The following XYLT1 variants were observed in gnomAD, a reference collection of about 807,000 sequenced individuals.
XYLT1 encodes beta-D-xylosyltransferase 1.
Under a neutral mutation model 91.3 loss-of-function variants are expected in XYLT1, and 36 were observed. The ratio of observed to expected loss-of-function variants is 0.39; its 90% CI spans 0.30 to 0.52. The LOEUF is 0.52. Among genes scored for constraint, XYLT1 ranks in the 20% least tolerant of loss-of-function variants. The probability of loss-of-function intolerance (pLI) is 0.68; values close to 1 mark genes in which losing one functional copy is unlikely to be tolerated. For synonymous variants in XYLT1, 588 were observed against 532.0 expected (o/e 1.11, Z -1.45); for missense variants, 1,242 against 1,284.5 (o/e 0.97, Z 0.51).
At chr16:17,382,852 T>C (rs953889416) in intron 1 of XYLT1, among the ~76,000 whole-genome samples, 6 of 151,834 alleles carry the variant, frequency 4.0e-5, no homozygotes, top group South Asian at 2.1e-4. Context: ...AAGGAGTAAC[T>C]CCCATCCCCA....
chr16:17,173,234 T>A (rs1032205958), intron 5 of XYLT1, among the ~76,000 whole-genome samples: 2 of 152,186 alleles, frequency 1.3e-5, no homozygotes, highest in African/African-American at 2.4e-5. Context: ...ACAGGACGTG[T>A]AGTAGATGAA....
At chr16:17,316,208 A>C (rs895944230) in intron 2 of XYLT1, among the ~76,000 whole-genome samples, 1 of 152,148 alleles carries the variant, frequency 6.6e-6, no homozygotes, top group Non-Finnish European at 1.5e-5. Context: ...CAGTCTTTGA[A>C]CACCACATGG....
intron 2 of XYLT1, chr16:17,338,398 C>T: frequency 2.2e-6 from 1 of 456,560 alleles, no homozygotes; most frequent in South Asian, 1.5e-5. Flanking sequence ...GCCTGCTCCT[C>T]TCTTTTACAT....
At position 17,180,484 on chromosome 16, in the gene XYLT1, G is replaced by A. The variant is rs368852384; in HGVS notation, c.1289+17728C>T. ...GTGGCAATGTTTGTGCCCCTGGCTC[G>A]GTTTGCCAAGTAATGTTGACTGATG... On this transcript the variant is annotated intron_variant, in intron 5 of 11. Coordinates refer to ENST00000261381, the MANE Select transcript of XYLT1 (RefSeq NM_022166.4). 6.6e-4 allele frequency among the ~76,000 whole-genome samples: 100 copies of A among 152,234 alleles called. 2 individuals are homozygous for A. The South Asian group carries it at 0.019, about 29-fold the overall frequency.
intron 3 of XYLT1, among the ~76,000 whole-genome samples, chr16:17,255,901 G>A (rs7205725): frequency 0.18 from 27,389 of 152,004 alleles, 3,175 homozygotes; most frequent in African/African-American, 0.32. Context: ...TCAGCTACTC[G>A]GGAGGCTAAG....
rs1376742293 is a variant in XYLT1, at chr16:17,312,328, C to T, written c.402+45684G>A. Among the ~76,000 whole-genome samples the T allele has an allele frequency of 1.3e-5, 2 of 152,136 alleles. No individual in the cohort carries two copies. The highest frequency in any genetic ancestry group is 2.9e-5 in the Non-Finnish European group (2 of 68,018). Reference sequence around the variant, plus strand: ...CCTCCTGTTACCTGTAAGATCCCTGCTGGCATAGTACTGTGAAGGACTCAA... The same window carrying T: ...CCTCCTGTTACCTGTAAGATCCCTGTTGGCATAGTACTGTGAAGGACTCAA... On this transcript the variant is annotated intron_variant, in intron 2 of 11. Transcript: ENST00000261381. The surrounding 1 kb of genome is among the most constrained non-coding windows in gnomAD (Gnocchi z 4.4).
chr16:17,267,783 T>A (rs1204270773), intron 2 of XYLT1, among the ~76,000 whole-genome samples: 1 of 152,178 alleles, frequency 6.6e-6, no homozygotes, highest in Non-Finnish European at 1.5e-5. Context: ...CTTTGCTCAC[T>A]GTGTGGCCCA....
intron 5 of XYLT1, among the ~76,000 whole-genome samples, chr16:17,186,263 C>T (rs1046194312): frequency 6.6e-6 from 1 of 151,952 alleles, no homozygotes; most frequent in Non-Finnish European, 1.5e-5. Flanking sequence ...GCCACCATAC[C>T]CAGCTAATTT....
intron 1 of XYLT1, among the ~76,000 whole-genome samples, chr16:17,375,763 G>C (rs965705311): frequency 1.3e-5 from 2 of 152,224 alleles, no homozygotes; most frequent in African/African-American, 4.8e-5. Context: ...TCTGCTGTTG[G>C]GACAGGCAGC....
intron 2 of XYLT1, chr16:17,338,174 C>A (rs2035014188): frequency 2.2e-6 from 1 of 456,502 alleles, no homozygotes; most frequent in Non-Finnish European, 4.4e-6. Context: ...TGAATGTCCC[C>A]TTTTCTGATT....
At chr16:17,464,472 A>G (rs1282909636) in intron 1 of XYLT1, among the ~76,000 whole-genome samples, 2 of 137,916 alleles carry the variant, frequency 1.5e-5, no homozygotes, top group East Asian at 4.5e-4. Context: ...AGGCCGGGCA[A>G]CAGAGCAAAA....
At chr16:17,277,083 T>C (rs2033988518) in intron 2 of XYLT1, among the ~76,000 whole-genome samples, 1 of 152,216 alleles carries the variant, frequency 6.6e-6, no homozygotes, top group South Asian at 2.1e-4. Flanking sequence ...GACAGACAGA[T>C]GCCTGCTCCT....
At chr16:17,352,417 C>T (rs2035234676) in intron 2 of XYLT1, among the ~76,000 whole-genome samples, 2 of 152,164 alleles carry the variant, frequency 1.3e-5, no homozygotes, top group African/African-American at 2.4e-5. Flanking sequence ...TTTCTTTCTC[C>T]CCTGCCTGAT....
Position 17,136,701 on chromosome 16 carries a change from A to ATTCT in XYLT1, c.1764+1650_1764+1653dup, listed in dbSNP as rs200887163. The stretch of plus-strand genomic sequence containing the variant: ...AACAAACAGGGCACGTTACCATATT[A>ATTCT]TTCTTTCTCTCCAAGTTCTTCGCGC... On this transcript the variant is annotated intron_variant, in intron 8 of 11. Transcript: ENST00000261381. Among the ~76,000 whole-genome samples, 1,288 of 152,160 alleles carry ATTCT rather than the reference A, an allele frequency of 8.5e-3. 22 individuals are homozygous for ATTCT. The highest frequency in any genetic ancestry group is 0.029 in the African/African-American group (1,211 of 41,514).
chr16:17,294,423 CT>C (rs2034281104), intron 2 of XYLT1, among the ~76,000 whole-genome samples: 1 of 152,158 alleles, frequency 6.6e-6, no homozygotes, highest in African/African-American at 2.4e-5. Context: ...GTGCGCATAA[CT>C]AAACACTATT....
chr16:17,182,683 C>T (rs188712911), intron 5 of XYLT1, among the ~76,000 whole-genome samples: 211 of 117,682 alleles, frequency 1.8e-3, no homozygotes, highest in African/African-American at 6.9e-3. Context: ...AACAATTAGG[C>T]ATATGTGGGG....
chr16:17,257,625 C>T (rs1219772525), intron 3 of XYLT1, among the ~76,000 whole-genome samples: 1 of 152,074 alleles, frequency 6.6e-6, no homozygotes, highest in East Asian at 1.9e-4. Context: ...CAATAAACAG[C>T]GACCACGTGG....
At chr16:17,225,152 TACACAC>T (rs751269290) in intron 3 of XYLT1, among the ~76,000 whole-genome samples, 19 of 147,496 alleles carry the variant, frequency 1.3e-4, no homozygotes, top group African/African-American at 4.6e-4. Flanking sequence ...ATTCTTATTT[TACACAC>T]ACACACACAC....
At chr16:17,428,238 C>A (rs1416679842) in intron 1 of XYLT1, among the ~76,000 whole-genome samples, 1 of 152,178 alleles carries the variant, frequency 6.6e-6, no homozygotes, top group African/African-American at 2.4e-5. Flanking sequence ...CCCGCCTCAG[C>A]CTCCCAAAGT....
Sources: gnomAD v4.1 joint callset for allele counts (sites outside exome capture counted in the v4.1 genomes callset) on GRCh38, gnomAD v4.1.1 for gene constraint, Gnocchi (gnomAD v3.1) non-coding constraint, MANE v1.5 for transcripts, NCBI Gene and HGNC (gene_info 2026-07-23, HGNC 2026-07-21) for gene names.